Variants in MCTP1 observed in about 807,000 individuals in gnomAD.
The protein encoded by MCTP1 is multiple C2 and transmembrane domain-containing protein 1.
MCTP1 carries 69 observed loss-of-function variants against 120.6 expected under a neutral mutation model. The observed-to-expected ratio is 0.57, with a 90% CI of 0.47 to 0.70. The LOEUF is 0.70. MCTP1 is among the 30% of genes least tolerant of loss of function. The probability of loss-of-function intolerance (pLI) is 0.00; values close to 1 mark genes in which losing one functional copy is unlikely to be tolerated. For synonymous variants in MCTP1, 529 were observed against 493.1 expected (o/e 1.07, Z -0.96); for missense variants, 1,203 against 1,248.8 (o/e 0.96, Z 0.55).
Position 95,105,223 on chromosome 5 carries a change from C to T in MCTP1, c.721-87739G>A, listed in dbSNP as rs553436153. Among the ~76,000 whole-genome samples the T allele has an allele frequency of 1.4e-3, 216 of 152,262 alleles. 1 individual carries two copies. The highest frequency in any genetic ancestry group is 5.1e-3 in the African/African-American group (210 of 41,552). ...TCCAGAAAACTTATATTTGCAAGTA[C>T]ATCTTATATTTGCAAATGAAGGGGA... On this transcript the variant is annotated intron_variant, in intron 1 of 22. Coordinates refer to ENST00000515393, the MANE Select transcript of MCTP1 (RefSeq NM_024717.7).
In MCTP1 at chr5:95,244,938, A is replaced by C. The variant is rs111469265; in HGVS notation, c.720+38918T>G. ...CCCAGTAGGGGCTGACAGACACCTC[A>C]AACAGGCAGGTGCCCCTCTGGGATG... On this transcript the variant is annotated intron_variant, in intron 1 of 22. Coordinates refer to ENST00000515393, the MANE Select transcript of MCTP1 (RefSeq NM_024717.7). Among the ~76,000 whole-genome samples, 328 of 152,232 alleles carry C rather than the reference A, an allele frequency of 2.2e-3. 4 individuals are homozygous for C. Among genetic ancestry groups the C allele is most frequent in the African/African-American group, 7.6e-3 (314 of 41,532 alleles).
intron 1 of MCTP1, among the ~76,000 whole-genome samples, chr5:95,217,547 A>G (rs1753178595): frequency 6.6e-6 from 1 of 152,152 alleles, no homozygotes; most frequent in African/African-American, 2.4e-5. Context: ...TGAGGTCATA[A>G]TCTCTGTCAT....
intron 19 of MCTP1, among the ~76,000 whole-genome samples, chr5:94,748,921 C>T (rs539961331): frequency 1.3e-5 from 2 of 151,850 alleles, no homozygotes; most frequent in African/African-American, 4.8e-5. Flanking sequence ...TCTGCAATAG[C>T]GCTCAATGCA....
Position 95,003,259 on chromosome 5 carries a change from T to C in MCTP1, c.838+14108A>G, listed in dbSNP as rs1834076621. 2.6e-5 allele frequency among the ~76,000 whole-genome samples: 4 copies of C among 152,324 alleles called. No individual in the cohort carries two copies. The South Asian group carries it at 8.3e-4, about 32-fold the overall frequency. ...GTACCATTTTTTATCTTTTATATCA[T>C]ATTTCTACTGTACCTTTTCTATGTT... is the stretch of plus-strand genomic sequence containing the variant. On this transcript the variant is annotated intron_variant, in intron 2 of 22. Transcript: ENST00000515393.
intron 19 of MCTP1, among the ~76,000 whole-genome samples, chr5:94,752,202 C>T (rs1418768825): frequency 2.8e-5 from 4 of 141,424 alleles, no homozygotes; most frequent in African/African-American, 7.7e-5. Flanking sequence ...ACAGTGTCTG[C>T]GTGTTTGGCA....
chr5:94,985,930 C>T (rs1256864978), intron 2 of MCTP1, among the ~76,000 whole-genome samples: 1 of 152,118 alleles, frequency 6.6e-6, no homozygotes, highest in Non-Finnish European at 1.5e-5. Context: ...AGTTTTATTT[C>T]TTTTAAAGTG....
chr5:95,283,847 G>C lies in MCTP1; in HGVS notation c.720+9C>G, dbSNP rs748398111. On this transcript the variant is annotated intron_variant, in intron 1 of 22. Transcript: ENST00000515393. ...GCACCTTGTCTCCGGCCGCGCCACC[G>C]GCACTCACCTGGCTGCTGCCGTGCT... The C allele has an allele frequency of 2.2e-6, 3 of 1,341,564 alleles. No homozygotes were observed. Among genetic ancestry groups the C allele is most frequent in the Admixed American group, 3.9e-5 (1 of 25,386 alleles). The allele number at this position is 1,341,564 out of a possible 1,614,324, so 83.1% of individuals were successfully genotyped here. A position where few individuals can be genotyped will look rare whatever the true frequency, so the allele number is the denominator to read the frequency against.
chr5:95,207,983 G>C (rs373916168), intron 1 of MCTP1, among the ~76,000 whole-genome samples: 19 of 100,058 alleles, frequency 1.9e-4, no homozygotes, highest in Non-Finnish European at 3.6e-4. Context: ...GAGAGGGAGA[G>C]AGAGAGAAAG....
At chr5:95,263,756 C>A (rs968692830) in intron 1 of MCTP1, among the ~76,000 whole-genome samples, 2 of 152,174 alleles carry the variant, frequency 1.3e-5, no homozygotes, top group Non-Finnish European at 2.9e-5. Flanking sequence ...ACCCTCCTAA[C>A]AGCACCATCA....
At chr5:94,802,447 G>C (rs948673908) in intron 17 of MCTP1, among the ~76,000 whole-genome samples, 1 of 152,124 alleles carries the variant, frequency 6.6e-6, no homozygotes, top group African/African-American at 2.4e-5. Context: ...CTCTAATAAA[G>C]AGAGCTCTCG....
chr5:95,187,555 A>C (rs963205621), intron 1 of MCTP1, among the ~76,000 whole-genome samples: 5 of 152,054 alleles, frequency 3.3e-5, no homozygotes, highest in Admixed American at 3.3e-4. Context: ...ACCCGCCACC[A>C]CGCCCGGCTA....
chr5:95,220,090 T>A (rs1162352159), intron 1 of MCTP1, among the ~76,000 whole-genome samples: 1 of 152,220 alleles, frequency 6.6e-6, no homozygotes, highest in Non-Finnish European at 1.5e-5. Flanking sequence ...AGATGACATT[T>A]AATTTCTGAC....
chr5:95,040,864 T>A (rs1326538623), intron 1 of MCTP1, among the ~76,000 whole-genome samples: 1 of 152,124 alleles, frequency 6.6e-6, no homozygotes, highest in African/African-American at 2.4e-5. Context: ...TGGGTGAGAA[T>A]GAGAAAACAT....
chr5:95,061,002 ATTTTTTT>A (rs35187920), intron 1 of MCTP1, among the ~76,000 whole-genome samples: 1 of 107,212 alleles, frequency 9.3e-6, no homozygotes, highest in Non-Finnish European at 1.9e-5. Flanking sequence ...TCAAATGTAC[ATTTTTTT>A]TTTTTTTTTT....
chr5:95,010,478 C>G (rs1469815964), intron 2 of MCTP1, among the ~76,000 whole-genome samples: 1 of 152,120 alleles, frequency 6.6e-6, no homozygotes, highest in African/African-American at 2.4e-5. Flanking sequence ...TACTATCTAT[C>G]TAATCGAATG....
At chr5:95,144,975 T>C (rs574899097) in intron 1 of MCTP1, among the ~76,000 whole-genome samples, 1 of 152,326 alleles carries the variant, frequency 6.6e-6, no homozygotes, top group Non-Finnish European at 1.5e-5. Flanking sequence ...ATTGAATCTG[T>C]AAATTGCTTT....
At chr5:94,876,818 C>T (rs918002299) in intron 12 of MCTP1, among the ~76,000 whole-genome samples, 7 of 151,888 alleles carry the variant, frequency 4.6e-5, no homozygotes, top group Admixed American at 1.3e-4. Context: ...TCCTTGAGGA[C>T]ACGGCAATTT....
At chr5:94,792,387 TTG>T (rs1306582726) in intron 18 of MCTP1, 1 of 152,328 alleles carries the variant, frequency 6.6e-6, no homozygotes, top group East Asian at 1.9e-4. Context: ...TCTTTTCCAG[TTG>T]TGTCATGAAG....
At position 95,061,408 on chromosome 5, in the gene MCTP1, G is replaced by GTTGTTTTTTTTTTTTTTTTTT. The variant is rs1749067994; in HGVS notation, c.721-43925_721-43924insAAAAAAAAAAAAAAAAAACAA. On this transcript the variant is annotated intron_variant, in intron 1 of 22. Transcript: ENST00000515393. ...ATCAATTTTCACAAACCCCTTAAGG[G>GTTGTTTTTTTTTTTTTTTTTT]TTTTTTTTTTTTTTTTTTTTTTTTT... Among the ~76,000 whole-genome samples, 18 of 33,486 alleles carry GTTGTTTTTTTTTTTTTTTTTT rather than the reference G, an allele frequency of 5.4e-4. 7 individuals carry two copies. Among genetic ancestry groups the GTTGTTTTTTTTTTTTTTTTTT allele is most frequent in the East Asian group, 1.4e-3 (2 of 1,382 alleles). The allele number at this position is 33,486 out of a possible 152,430, so 22.0% of individuals were successfully genotyped here.
Sources: gnomAD v4.1 joint callset for allele counts (sites outside exome capture counted in the v4.1 genomes callset) on GRCh38, gnomAD v4.1.1 for gene constraint, MANE v1.5 for transcripts, NCBI Gene and HGNC (gene_info 2026-07-23, HGNC 2026-07-21) for gene names.